The following R3HCC1L variants were observed in gnomAD, a reference collection of about 807,000 sequenced individuals.
R3HCC1L encodes the protein coiled-coil domain-containing protein R3HCC1L.
Under a neutral mutation model 59.9 loss-of-function variants are expected in R3HCC1L, and 51 were observed. The ratio of observed to expected loss-of-function variants is 0.85; its 90% confidence interval spans 0.68 to 1.07. The LOEUF is 1.07. Ranked by LOEUF, R3HCC1L falls within the 50% of genes least tolerant of loss-of-function variation. The pLI, the probability that R3HCC1L is intolerant of heterozygous loss-of-function variation, is 0.00. For missense variants in R3HCC1L, 965 were observed against 933.0 expected, an observed-to-expected ratio of 1.03 and a Z score of -0.45; for synonymous variants, 322 against 315.2, an observed-to-expected ratio of 1.02 and a Z score of -0.23.
intron 2 of R3HCC1L, among the ~76,000 whole-genome samples, chr10:98,162,319 G>T (rs781246947): frequency 6.6e-6 from 1 of 152,132 alleles, no homozygotes; most frequent in Non-Finnish European, 1.5e-5. Context: ...TATCAAAGGA[G>T]AATTGCCTCA....
At chr10:98,159,927 T>A (rs2134156170) in intron 2 of R3HCC1L, among the ~76,000 whole-genome samples, 1 of 152,264 alleles carries the variant, frequency 6.6e-6, no homozygotes, top group Non-Finnish European at 1.5e-5. Context: ...GGGAAATAGG[T>A]ATATGTGAGA....
intron 1 of R3HCC1L, among the ~76,000 whole-genome samples, chr10:98,155,518 A>C (rs145848208): frequency 1.2e-4 from 19 of 152,278 alleles, no homozygotes; most frequent in African/African-American, 4.1e-4. Flanking sequence ...TGAATGATGA[A>C]CAATTAAGTT....
At chr10:98,244,065 GT>G (rs1564749977) in intron 9 of R3HCC1L, 25 bp from the exon 10 acceptor site, 2 of 1,607,648 alleles carry the variant, frequency 1.2e-6, no homozygotes, top group South Asian at 2.2e-5. Context: ...GTAGACAACT[GT>G]GGTTAATACT....
At chr10:98,204,327 C>T (rs1291891412) in intron 4 of R3HCC1L, among the ~76,000 whole-genome samples, 1 of 152,042 alleles carries the variant, frequency 6.6e-6, no homozygotes, top group Non-Finnish European at 1.5e-5. Context: ...ATAGCCTGAA[C>T]CCAGGAGGCA....
intron 5 of R3HCC1L, among the ~76,000 whole-genome samples, chr10:98,226,748 T>A (rs1238029774): frequency 1.3e-5 from 2 of 152,260 alleles, no homozygotes; most frequent in Non-Finnish European, 2.9e-5. Flanking sequence ...CTTTTGTCCC[T>A]GGCCTCTGAG....
intron 4 of R3HCC1L, among the ~76,000 whole-genome samples, chr10:98,169,443 A>G (rs893364510): frequency 3.3e-5 from 5 of 152,244 alleles, no homozygotes; most frequent in East Asian, 1.9e-4. Context: ...TAATGTATAT[A>G]CAATGTTTAC....
At chr10:98,146,540 A>G (rs1302182194) in intron 1 of R3HCC1L, among the ~76,000 whole-genome samples, 1 of 152,198 alleles carries the variant, frequency 6.6e-6, no homozygotes, top group Non-Finnish European at 1.5e-5. Context: ...TTCAGATCCC[A>G]TGTATAAGTG....
chr10:98,209,700 A>G lies in R3HCC1L; in HGVS notation c.1586A>G (p.Lys529Arg). The G allele has an allele frequency of 6.2e-7, 1 of 1,614,042 alleles. No individual in the cohort carries two copies. Among genetic ancestry groups the G allele is most frequent in the Non-Finnish European group, 8.5e-7 (1 of 1,179,910 alleles). ...GAACTAAGAACTGCCGAAGAGTTCAAAACAGAAGAGCAAGATGACTCAGGG... is the reference window on the plus strand; with the variant it reads ...GAACTAAGAACTGCCGAAGAGTTCAGAACAGAAGAGCAAGATGACTCAGGG... ...LHELRTAEEF[K>R]TEEQDDSGSI... is the part of the protein sequence containing the mutation. Residue 529 changes from lysine to arginine, a missense_variant, in exon 5 of 10, where the codon AAA (lysine) becomes AGA (arginine). Physicochemically the swap from Lys to Arg is conservative, Grantham distance 26. Coordinates refer to ENST00000298999, the MANE Select transcript of R3HCC1L (RefSeq NM_001351015.2).
At chr10:98,143,342 A>G (rs1845357568) in intron 1 of R3HCC1L, among the ~76,000 whole-genome samples, 1 of 152,168 alleles carries the variant, frequency 6.6e-6, no homozygotes, top group African/African-American at 2.4e-5. Flanking sequence ...ACCATCTCTC[A>G]ATACGTTCAG....
intron 5 of R3HCC1L, among the ~76,000 whole-genome samples, chr10:98,219,732 A>AAC (rs1321511856): frequency 6.6e-6 from 1 of 151,260 alleles, no homozygotes; most frequent in Non-Finnish European, 1.5e-5. Flanking sequence ...ATCTGGGAAC[A>AAC]ACTTTATTGT....
At chr10:98,151,334 T>C (rs538764755) in intron 1 of R3HCC1L, among the ~76,000 whole-genome samples, 6 of 152,186 alleles carry the variant, frequency 3.9e-5, no homozygotes, top group Admixed American at 2.6e-4. Flanking sequence ...TTGAGCAATT[T>C]ATTTAATTTG....
At chr10:98,150,484 G>T (rs967390725) in intron 1 of R3HCC1L, among the ~76,000 whole-genome samples, 1 of 151,528 alleles carries the variant, frequency 6.6e-6, no homozygotes, top group Non-Finnish European at 1.5e-5. Context: ...TGTTTGCTTA[G>T]TGATTCTTTG....
At chr10:98,218,444 GT>G (rs1854469500) in intron 5 of R3HCC1L, among the ~76,000 whole-genome samples, 2 of 151,940 alleles carry the variant, frequency 1.3e-5, no homozygotes, top group South Asian at 4.2e-4. Context: ...TTTGACCATG[GT>G]TAGTCTAGCT....
intron 6 of R3HCC1L, among the ~76,000 whole-genome samples, chr10:98,232,155 ATTTTTGTATT>A (rs1856472546): frequency 6.6e-6 from 1 of 152,026 alleles, no homozygotes; most frequent in Middle Eastern, 3.4e-3. Context: ...TGCCTGGCTA[ATTTTTGTATT>A]TTTTTGTAGA....
intron 1 of R3HCC1L, among the ~76,000 whole-genome samples, chr10:98,155,116 T>C (rs1458732458): frequency 1.3e-5 from 2 of 152,228 alleles, no homozygotes; most frequent in Non-Finnish European, 2.9e-5. Context: ...TTGGAAATAC[T>C]CTCCAATTTG....
intron 4 of R3HCC1L, among the ~76,000 whole-genome samples, chr10:98,172,771 G>A (rs922675864): frequency 2.0e-5 from 3 of 152,140 alleles, no homozygotes; most frequent in Non-Finnish European, 2.9e-5. Flanking sequence ...TCTCCTTCCC[G>A]TCACTGCCAG....
chr10:98,210,216 T>TA (rs1218327524), intron 5 of R3HCC1L, among the ~76,000 whole-genome samples: 2 of 152,206 alleles, frequency 1.3e-5, no homozygotes, highest in Admixed American at 1.3e-4. Context: ...AGGTATCTTT[T>TA]ACATGGGCCT....
chr10:98,196,514 C>T (rs1384629901), intron 4 of R3HCC1L, among the ~76,000 whole-genome samples: 1 of 152,154 alleles, frequency 6.6e-6, no homozygotes, highest in East Asian at 1.9e-4. Context: ...CCAACTCAGC[C>T]TCCTGAGTAG....
intron 9 of R3HCC1L, among the ~76,000 whole-genome samples, chr10:98,238,081 T>C (rs1365522426): frequency 2.0e-5 from 3 of 152,220 alleles, no homozygotes; most frequent in Non-Finnish European, 4.4e-5. Context: ...ATAGGTACTC[T>C]CTTGCTCCTG....
Sources: allele counts gnomAD v4.1 joint callset (sites outside exome capture counted in the v4.1 genomes callset), GRCh38; gene constraint gnomAD v4.1.1; transcripts MANE v1.5; gene names NCBI Gene and HGNC (gene_info 2026-07-23, HGNC 2026-07-21).